Variants in SLC2A9 observed in about 807,000 individuals in gnomAD.
The protein encoded by SLC2A9 is solute carrier family 2, facilitated glucose transporter member 9.
Under a neutral mutation model 50.6 loss-of-function variants are expected in SLC2A9, and 39 were observed. That is an observed-to-expected ratio of 0.77 (90% CI 0.60 to 1.01). The LOEUF is 1.01. SLC2A9 is among the 50% of genes least tolerant of loss of function. SLC2A9 has a pLI of 0.00. For missense variants in SLC2A9, 686 were observed against 677.6 expected (o/e 1.01, Z -0.14); for synonymous variants, 324 against 276.9 (o/e 1.17, Z -1.69).
chr4:9,779,924 A>G (rs1436736844), exon 4 of SLC2A9: 1 of 152,144 alleles, frequency 6.6e-6, no homozygotes, highest in Non-Finnish European at 1.5e-5. Context: ...TCTCCAGGAG[A>G]AGAAGATAGG....
At chr4:9,953,616 GTTTT>G (rs1402030081) in intron 5 of SLC2A9, among the ~76,000 whole-genome samples, 3 of 152,082 alleles carry the variant, frequency 2.0e-5, no homozygotes, top group East Asian at 1.9e-4. Flanking sequence ...CAGTTTAGGA[GTTTT>G]TTGTTTGTTG....
intron 1 of SLC2A9, among the ~76,000 whole-genome samples, chr4:10,037,146 A>G (rs1764132396): frequency 6.6e-6 from 1 of 152,228 alleles, no homozygotes; most frequent in Non-Finnish European, 1.5e-5. Context: ...TCATTTTAAG[A>G]GTACAATTTA....
chr4:9,784,023 A>G (rs1718884326), intron 3 of SLC2A9: 1 of 167,440 alleles, frequency 6.0e-6, no homozygotes, highest in African/African-American at 2.4e-5. Flanking sequence ...TGGGGTGACT[A>G]TCTTTGCTTT....
chr4:9,778,974 G>A (rs193114821), downstream of SLC2A9, among the ~76,000 whole-genome samples: 175 of 152,148 alleles, frequency 1.2e-3, no homozygotes, highest in African/African-American at 4.0e-3. Context: ...CACCATGTTG[G>A]TCAGGATGGT....
chr4:9,812,696 C>T (rs1182271910), intron 3 of SLC2A9, among the ~76,000 whole-genome samples: 1 of 152,160 alleles, frequency 6.6e-6, no homozygotes, highest in African/African-American at 2.4e-5. Context: ...GACACATAGT[C>T]ATGGAACTGC....
At chr4:9,780,571 A>T (rs1718205691) in intron 3 of SLC2A9, among the ~76,000 whole-genome samples, 1 of 152,192 alleles carries the variant, frequency 6.6e-6, no homozygotes, top group South Asian at 2.1e-4. Flanking sequence ...GAGAAAGTCC[A>T]GTCTGTTTCT....
At chr4:10,018,048 C>G (rs995196041) in intron 2 of SLC2A9, among the ~76,000 whole-genome samples, 1 of 152,190 alleles carries the variant, frequency 6.6e-6, no homozygotes, top group Non-Finnish European at 1.5e-5. Context: ...GGTGGTAGGT[C>G]AAAGCCAAAG....
exon 4 of SLC2A9, chr4:9,799,186 A>T (rs373707405): frequency 6.6e-6 from 1 of 152,230 alleles, no homozygotes; most frequent in Non-Finnish European, 1.5e-5. Flanking sequence ...AGCTGGGGGA[A>T]GTCTTGAGAC....
chr4:9,994,874 C>T (rs1758363606), intron 3 of SLC2A9, among the ~76,000 whole-genome samples: 2 of 152,076 alleles, frequency 1.3e-5, no homozygotes, highest in African/African-American at 4.8e-5. Context: ...GGGAGTGACT[C>T]CATCCCACTA....
chr4:9,842,118 G>T (rs777440654), intron 10 of SLC2A9, among the ~76,000 whole-genome samples: 3 of 151,832 alleles, frequency 2.0e-5, no homozygotes, highest in African/African-American at 7.3e-5. Context: ...GGTTTGCTTT[G>T]TTGGTATTGT....
At chr4:9,930,395 T>C (rs1039763088) in intron 6 of SLC2A9, among the ~76,000 whole-genome samples, 1 of 152,216 alleles carries the variant, frequency 6.6e-6, no homozygotes, top group African/African-American at 2.4e-5. Flanking sequence ...CTCTCTGTGC[T>C]TCCAACATGT....
At chr4:9,828,144 C>T (rs1193014258) in intron 11 of SLC2A9, among the ~76,000 whole-genome samples, 1 of 152,162 alleles carries the variant, frequency 6.6e-6, no homozygotes, top group Non-Finnish European at 1.5e-5. Flanking sequence ...ATTATGCCAA[C>T]AAAAACACTT....
At chr4:9,928,413 T>A (rs539081765) in intron 6 of SLC2A9, among the ~76,000 whole-genome samples, 1 of 152,192 alleles carries the variant, frequency 6.6e-6, no homozygotes, top group Non-Finnish European at 1.5e-5. Context: ...TAGACAAAGT[T>A]ATATACACAG....
At position 9,835,007 on chromosome 4, in the gene SLC2A9, A is replaced by T. The variant is rs1232315831; in HGVS notation, c.1293T>A (p.Gly431=). The change falls in exon 11 of 12, where the codon GGT becomes GGA. Residue 431 remains glycine (G), a splice_region_variant and synonymous_variant. Transcript: ENST00000264784. Reference sequence around the variant, plus strand: ...CACCAGTCAAGATGAACGGGATGCCACCTGCAGTGTGTGAGCCAGGACATG... The same window carrying T: ...CACCAGTCAAGATGAACGGGATGCCTCCTGCAGTGTGTGAGCCAGGACATG... ...AIIASFCSGP[G]GIPFILTGEF... is the part of the protein sequence containing the mutation. The T allele has an allele frequency of 6.2e-7, 1 of 1,613,068 alleles. No homozygotes were observed. The highest frequency in any genetic ancestry group is 2.2e-5 in the East Asian group (1 of 44,888).
At chr4:9,953,059 A>G (rs1046481762) in intron 5 of SLC2A9, among the ~76,000 whole-genome samples, 4 of 152,204 alleles carry the variant, frequency 2.6e-5, no homozygotes, top group Admixed American at 2.0e-4. Context: ...TTAATGTTCT[A>G]TATCCAAGTT....
In SLC2A9 at chr4:9,985,790, CTT is replaced by C; in HGVS notation, c.412_413del (p.Lys138AlafsTer7). 1 of 1,614,020 alleles carries C rather than the reference CTT, an allele frequency of 6.2e-7. No homozygotes were observed. The highest frequency in any genetic ancestry group is 1.1e-5 in the South Asian group (1 of 91,076). On this transcript the variant is annotated frameshift_variant and splice_region_variant, in exon 4 of 12. Coordinates refer to ENST00000264784, the MANE Select transcript of SLC2A9 (RefSeq NM_020041.3). LOFTEE classifies it high-confidence loss of function. ...VKMIGKVLGR[K>X]HTLLANNGFA... ...ACCCATTATTGGCCAGCAAAGTGTG[CTT>C]CCTGGAAAGAAAGGAAAGATTTGAT...
downstream of SLC2A9, among the ~76,000 whole-genome samples, chr4:9,825,384 G>C (rs971237123): frequency 6.6e-6 from 1 of 152,150 alleles, no homozygotes; most frequent in Non-Finnish European, 1.5e-5. Context: ...GTCTTCCCTT[G>C]AGCACTTTGA....
At chr4:9,778,583 C>A (rs149380702), downstream of SLC2A9, among the ~76,000 whole-genome samples, 369 of 152,304 alleles carry the variant, frequency 2.4e-3, 3 homozygotes, top group African/African-American at 8.1e-3. Context: ...CTCCCCACTT[C>A]TCTGCTCTTT....
intron 10 of SLC2A9, among the ~76,000 whole-genome samples, chr4:9,873,639 G>C (rs1733804912): frequency 2.0e-5 from 3 of 152,214 alleles, no homozygotes; most frequent in Admixed American, 2.0e-4. Context: ...CTCAGTGCCA[G>C]ACCAATGAGT....
Sources: gnomAD v4.1 joint callset for allele counts (sites outside exome capture counted in the v4.1 genomes callset) on GRCh38, gnomAD v4.1.1 for gene constraint, MANE v1.5 for transcripts, NCBI Gene and HGNC (gene_info 2026-07-23, HGNC 2026-07-21) for gene names.